The following NAV2 variants were observed in gnomAD, a reference collection of about 807,000 sequenced individuals.
NAV2 encodes the protein helicase, APC down-regulated 1.
A neutral mutation model predicts 223.2 loss-of-function variants in NAV2; 54 were observed. The observed-to-expected ratio is 0.24, with a 90% confidence interval of 0.19 to 0.30. The LOEUF is 0.30. NAV2 is among the 10% of genes least tolerant of loss of function. The probability of loss-of-function intolerance (pLI) is 1.00; values close to 1 mark genes in which losing one functional copy is unlikely to be tolerated. For missense variants in NAV2, 2,806 were observed against 3,147.5 expected, an observed-to-expected ratio of 0.89 and a Z score of 2.60; for synonymous variants, 1,279 against 1,239.3, an observed-to-expected ratio of 1.03 and a Z score of -0.67.
upstream of NAV2, among the ~76,000 whole-genome samples, chr11:19,710,074 C>T (rs928833534): frequency 8.5e-5 from 13 of 152,102 alleles, no homozygotes; most frequent in East Asian, 7.7e-4. Context: ...CTCAGAACCC[C>T]GAAATGACCT....
intron 1 of NAV2, among the ~76,000 whole-genome samples, chr11:19,766,806 C>T (rs1438139417): frequency 6.6e-6 from 1 of 152,182 alleles, no homozygotes; most frequent in Non-Finnish European, 1.5e-5. Context: ...CTTCTCCCAC[C>T]CTGATTTGCT....
intron 36 of NAV2, among the ~76,000 whole-genome samples, chr11:20,113,937 G>A (rs548013208): frequency 3.9e-5 from 6 of 152,268 alleles, no homozygotes; most frequent in African/African-American, 7.2e-5. Flanking sequence ...ACTTGAGCCC[G>A]GGAGATTGAG....
At chr11:20,112,107 A>G (rs1031641206) in intron 36 of NAV2, among the ~76,000 whole-genome samples, 4 of 152,216 alleles carry the variant, frequency 2.6e-5, no homozygotes, top group Non-Finnish European at 4.4e-5. Flanking sequence ...GAAAGACCTC[A>G]GAGGGAGAAA....
At chr11:19,876,888 CTTAT>C (rs1287467328) in intron 4 of NAV2, among the ~76,000 whole-genome samples, 10 of 148,538 alleles carry the variant, frequency 6.7e-5, no homozygotes, top group East Asian at 2.0e-4. Context: ...TAGGATTTTA[CTTAT>C]TTATTTATTT....
At chr11:19,437,420 T>A (rs891244022) in intron 1 of NAV2, among the ~76,000 whole-genome samples, 2 of 152,134 alleles carry the variant, frequency 1.3e-5, no homozygotes, top group African/African-American at 4.8e-5. Flanking sequence ...TGTTAATATA[T>A]ACAATCTGTT....
intron 1 of NAV2, among the ~76,000 whole-genome samples, chr11:19,427,386 G>A (rs1850872697): frequency 2.0e-5 from 3 of 152,192 alleles, no homozygotes; most frequent in South Asian, 4.1e-4. Context: ...AAATAGAAGA[G>A]CACATGCAGC....
intron 1 of NAV2, among the ~76,000 whole-genome samples, chr11:19,777,102 C>A (rs865882710): frequency 1.1e-4 from 17 of 150,848 alleles, no homozygotes; most frequent in East Asian, 3.9e-4. Context: ...GACCCCCCCC[C>A]CCACCCCGCC....
At chr11:19,401,530 C>T (rs774636955) in intron 1 of NAV2, among the ~76,000 whole-genome samples, 11 of 152,102 alleles carry the variant, frequency 7.2e-5, no homozygotes, top group Non-Finnish European at 1.2e-4. Flanking sequence ...GACATTAGAG[C>T]GAGACAGGGA....
At chr11:20,105,871 C>G in intron 35 of NAV2, 144 bp downstream of exon 35, 1 of 676,232 alleles carries the variant, frequency 1.5e-6, no homozygotes, top group Non-Finnish European at 2.5e-6. Flanking sequence ...GAGGGACAGT[C>G]ACAGACCAGG....
At chr11:20,060,287 C>T (rs987449409) in intron 19 of NAV2, among the ~76,000 whole-genome samples, 1 of 152,256 alleles carries the variant, frequency 6.6e-6, no homozygotes, top group African/African-American at 2.4e-5. Flanking sequence ...ACACACATCT[C>T]TTCACCCAGC....
At chr11:19,863,102 A>G (rs2061885905) in intron 3 of NAV2, among the ~76,000 whole-genome samples, 1 of 152,106 alleles carries the variant, frequency 6.6e-6, no homozygotes. Flanking sequence ...CCCATCCCCA[A>G]CATGAAACAG....
intron 1 of NAV2, among the ~76,000 whole-genome samples, chr11:19,740,864 C>T (rs1180220434): frequency 2.6e-5 from 4 of 152,188 alleles, no homozygotes; most frequent in Non-Finnish European, 5.9e-5. Context: ...GCAAAGAGCT[C>T]ACAGCCACAT....
Position 20,103,397 on chromosome 11 carries a change from A to T in NAV2, c.6560A>T (p.Lys2187Met). The T allele has an allele frequency of 6.2e-7, 1 of 1,613,760 alleles. No individual in the cohort carries two copies. The highest frequency in any genetic ancestry group is 8.5e-7 in the Non-Finnish European group (1 of 1,179,780). ...GEIFNGLLNC[K>M]YHKCPYIIGT... Reference sequence around the variant, plus strand: ...ATCTTCAATGGGCTGCTCAACTGCAAGTACCACAAATGGTAAAGGCTGGTT... The same window carrying T: ...ATCTTCAATGGGCTGCTCAACTGCATGTACCACAAATGGTAAAGGCTGGTT... Residue 2187 changes from lysine to methionine, a missense_variant, in exon 33 of 38, where the codon AAG becomes ATG. Lys to Met is a moderately conservative substitution (Grantham distance 95, BLOSUM62 -1). This residue lies in a region of NAV2 where 824 missense variants were observed against 1,069.4 expected (regional missense o/e 0.77). Coordinates refer to ENST00000349880, the MANE Select transcript of NAV2 (RefSeq NM_145117.5).
chr11:19,506,385 T>A (rs528447856), intron 1 of NAV2: 3 of 152,354 alleles, frequency 2.0e-5, no homozygotes, highest in Middle Eastern at 6.8e-3. Flanking sequence ...AGTGGCAGAA[T>A]GTTCTGGAAG....
At chr11:19,759,760 T>C (rs1201683801) in intron 1 of NAV2, among the ~76,000 whole-genome samples, 3 of 152,182 alleles carry the variant, frequency 2.0e-5, no homozygotes, top group Non-Finnish European at 4.4e-5. Flanking sequence ...GGTTTTTTAA[T>C]GTGAACTGAA....
intron 1 of NAV2, among the ~76,000 whole-genome samples, chr11:19,532,128 T>C (rs1208122516): frequency 6.6e-6 from 1 of 152,194 alleles, no homozygotes; most frequent in Non-Finnish European, 1.5e-5. Context: ...GCAGGGAGAT[T>C]CATGGCCCAT....
intron 1 of NAV2, among the ~76,000 whole-genome samples, chr11:19,774,197 G>A (rs756396283): frequency 1.3e-5 from 2 of 152,188 alleles, no homozygotes; most frequent in Non-Finnish European, 2.9e-5. Flanking sequence ...TGCAGAGTTT[G>A]TGGAGGTCTT....
intron 1 of NAV2, among the ~76,000 whole-genome samples, chr11:19,470,682 T>C (rs1030481542): frequency 3.9e-4 from 60 of 152,304 alleles, no homozygotes; most frequent in African/African-American, 1.3e-3. Context: ...CACATGAAAC[T>C]TGAGGGACAT....
chr11:19,909,965 G>C (rs529704033), intron 6 of NAV2, among the ~76,000 whole-genome samples: 2 of 152,074 alleles, frequency 1.3e-5, no homozygotes, highest in African/African-American at 4.8e-5. Flanking sequence ...TAGACAGGGG[G>C]CACTGAAACA....
Sources: gnomAD v4.1 joint callset for allele counts (sites outside exome capture counted in the v4.1 genomes callset) on GRCh38, gnomAD v4.1.1 for gene constraint, gnomAD v4.1.1 regional missense constraint, MANE v1.5 for transcripts, NCBI Gene and HGNC (gene_info 2026-07-23, HGNC 2026-07-21) for gene names.